Variants in MROH2B observed in about 807,000 individuals in gnomAD.
MROH2B encodes maestro heat like repeat family member 2B.
MROH2B carries 177 observed loss-of-function variants against 208.6 expected under a neutral mutation model. That is an observed-to-expected ratio of 0.85 (90% CI 0.75 to 0.96). MROH2B has a LOEUF of 0.96. Among genes scored for constraint, MROH2B ranks in the 40% least tolerant of loss-of-function variants. MROH2B has a pLI of 0.00. For synonymous variants in MROH2B, 728 were observed against 659.0 expected (o/e 1.10, Z -1.60); for missense variants, 2,002 against 1,878.7 (o/e 1.07, Z -1.21).
At chr5:41,008,984 GTAAAA>G (rs1251899477) in intron 32 of MROH2B, among the ~76,000 whole-genome samples, 191 bp from the exon 33 acceptor site, 1 of 152,206 alleles carries the variant, frequency 6.6e-6, no homozygotes, top group Non-Finnish European at 1.5e-5. Flanking sequence ...CACTAGTCAT[GTAAAA>G]TAAAATGTTT....
intron 24 of MROH2B, among the ~76,000 whole-genome samples, chr5:41,021,267 C>T (rs924785586): frequency 3.3e-5 from 5 of 152,116 alleles, no homozygotes; most frequent in Non-Finnish European, 5.9e-5. Flanking sequence ...ACACACTAAA[C>T]ATTGTTGAAA....
chr5:41,006,032 C>CAAAAAAAA (rs5867531), intron 34 of MROH2B, among the ~76,000 whole-genome samples: 7 of 129,810 alleles, frequency 5.4e-5, no homozygotes, highest in Non-Finnish European at 4.8e-5. Context: ...ATTCTGTCTC[C>CAAAAAAAA]AAAAAAAAAA....
At chr5:41,029,419 GT>G (rs1346556026) in intron 24 of MROH2B, among the ~76,000 whole-genome samples, 1 of 151,956 alleles carries the variant, frequency 6.6e-6, no homozygotes, top group Non-Finnish European at 1.5e-5. Context: ...CAATCCATAG[GT>G]TGCCTTTTCA....
intron 29 of MROH2B, among the ~76,000 whole-genome samples, chr5:41,013,390 C>T (rs990998828): frequency 1.3e-5 from 2 of 151,976 alleles, no homozygotes; most frequent in Non-Finnish European, 2.9e-5. Flanking sequence ...TCTGTGTGTG[C>T]GCATTAATGA....
chr5:41,039,100 G>A lies in MROH2B; in HGVS notation c.2062-212C>T, dbSNP rs796675431. 2.0e-5 allele frequency among the ~76,000 whole-genome samples: 3 copies of A among 152,220 alleles called. No individual in the cohort carries two copies. In the East Asian group the frequency reaches 5.8e-4, roughly 29 times the overall value. ...GATCAGGCCTTCAGAGAGGTAACTG[G>A]GAGAAGCTTTTGTTTATTATATATA... On this transcript the variant is annotated intron_variant, in intron 20 of 41. Transcript: ENST00000399564.
At chr5:41,015,221 T>A (rs1299680300) in intron 29 of MROH2B, among the ~76,000 whole-genome samples, 160 bp downstream of exon 29, 1 of 152,158 alleles carries the variant, frequency 6.6e-6, no homozygotes, top group Non-Finnish European at 1.5e-5. Context: ...CAGTAATGAG[T>A]GTTGACTAGG....
At chr5:41,000,091 T>C in intron 39 of MROH2B, 129 bp downstream of exon 39, 1 of 1,246,782 alleles carries the variant, frequency 8.0e-7, no homozygotes, top group South Asian at 1.5e-5. Context: ...GAAATCAGGA[T>C]ATCACTGCCA....
At chr5:41,013,748 G>A (rs1263302857) in intron 29 of MROH2B, among the ~76,000 whole-genome samples, 1 of 152,150 alleles carries the variant, frequency 6.6e-6, no homozygotes, top group Non-Finnish European at 1.5e-5. Context: ...GCAAAGGAAG[G>A]AAGGGAACTC....
chr5:41,068,288 C>A (rs371003646), intron 2 of MROH2B, among the ~76,000 whole-genome samples: 1 of 152,156 alleles, frequency 6.6e-6, no homozygotes, highest in South Asian at 2.1e-4. Context: ...TCTGGGCCTG[C>A]CTAACTATCT....
At chr5:41,055,260 C>G (rs941673929) in intron 10 of MROH2B, among the ~76,000 whole-genome samples, 3 of 152,092 alleles carry the variant, frequency 2.0e-5, no homozygotes, top group African/African-American at 2.4e-5. Flanking sequence ...TATCATGCAC[C>G]ATTATTTCAT....
chr5:41,012,343 T>A (rs971887481), intron 30 of MROH2B, among the ~76,000 whole-genome samples: 3 of 152,208 alleles, frequency 2.0e-5, no homozygotes, highest in African/African-American at 7.2e-5. Context: ...AGCTGCTTCC[T>A]CTAGCCAGAA....
intron 21 of MROH2B, among the ~76,000 whole-genome samples, chr5:41,036,874 T>A (rs943545352): frequency 2.0e-5 from 3 of 152,080 alleles, no homozygotes; most frequent in Non-Finnish European, 4.4e-5. Context: ...CTAAAAAGAG[T>A]GTATCACTGA....
intron 29 of MROH2B, 24 bp downstream of exon 29, chr5:41,015,357 C>T (rs1161865899): frequency 1.3e-6 from 2 of 1,587,898 alleles, no homozygotes; most frequent in South Asian, 1.1e-5. Context: ...TCTTTACATC[C>T]CCTGGCCACT....
chr5:41,044,092 A>G (rs1282353325), intron 18 of MROH2B, among the ~76,000 whole-genome samples: 27 of 151,532 alleles, frequency 1.8e-4, no homozygotes, highest in African/African-American at 6.3e-4. Context: ...ACAAAAAAAA[A>G]AAAAAAAATT....
intron 24 of MROH2B, among the ~76,000 whole-genome samples, chr5:41,029,818 G>A (rs891716253): frequency 2.6e-5 from 4 of 152,004 alleles, no homozygotes; most frequent in African/African-American, 4.8e-5. Context: ...GAGGGAGTGA[G>A]AGTGAGGAGT....
In MROH2B at chr5:41,008,810, C is replaced by T; in HGVS notation, c.3421-17G>A. ...ACAGGCCACCTGAGGGGAGAAAGGG[C>T]CTCTTGGTCAGGCAGTCTCATTTTC... On this transcript the variant is annotated splice_polypyrimidine_tract_variant and intron_variant, in intron 32 of 41. Transcript: ENST00000399564. 2 of 1,598,404 alleles carry T rather than the reference C, an allele frequency of 1.3e-6. No homozygotes were observed. Among genetic ancestry groups the T allele is most frequent in the South Asian group, 1.1e-5 (1 of 89,260 alleles).
intron 5 of MROH2B, among the ~76,000 whole-genome samples, chr5:41,063,552 C>T (rs968764321): frequency 1.8e-4 from 27 of 152,104 alleles, no homozygotes; most frequent in Non-Finnish European, 8.8e-5. Flanking sequence ...AAAAATATTA[C>T]TTTGATGACA....
intron 24 of MROH2B, among the ~76,000 whole-genome samples, chr5:41,032,424 G>GAAAGATT (rs1300107337): frequency 3.1e-4 from 47 of 152,154 alleles, no homozygotes; most frequent in South Asian, 6.2e-4. Context: ...GATTTTAATT[G>GAAAGATT]AAAGATTAAA....
chr5:41,055,768 A>T lies in MROH2B; in HGVS notation c.1007T>A (p.Leu336Ter), dbSNP rs945649982. The T allele has an allele frequency of 2.5e-6, 4 of 1,613,524 alleles. No homozygotes were observed. The African/African-American group carries it at 5.3e-5, about 22-fold the overall frequency. ...NEAIRVGILT[L>*]LRLAVNADEP... ...ATCAGCATTGACAGCCAATCTTAAC[A>T]AAGTCAAGATTCCCACTCGAATGGC... Residue 336 changes from leucine to a stop codon, truncating the protein, a stop_gained, in exon 10 of 42, where the codon TTG becomes TAG. Coordinates refer to ENST00000399564, the MANE Select transcript of MROH2B (RefSeq NM_173489.5). LOFTEE classifies it high-confidence loss of function.
Sources: gnomAD v4.1 joint callset for allele counts (sites outside exome capture counted in the v4.1 genomes callset) on GRCh38, gnomAD v4.1.1 for gene constraint, MANE v1.5 for transcripts, NCBI Gene and HGNC (gene_info 2026-07-23, HGNC 2026-07-21) for gene names.